CRIM1: variants seen among roughly 807,000 people sequenced by gnomAD.
CRIM1 encodes the protein cysteine rich transmembrane BMP regulator 1, also known as cysteine-rich motor neuron 1 protein.
CRIM1 carries 32 observed loss-of-function variants against 116.4 expected under a neutral mutation model. The observed-to-expected ratio is 0.27, with a 90% confidence interval of 0.21 to 0.37. The LOEUF is 0.37. Ranked by LOEUF, CRIM1 falls within the 10% of genes least tolerant of loss-of-function variation. The pLI, the probability that CRIM1 is intolerant of heterozygous loss-of-function variation, is 1.00. For synonymous variants in CRIM1, 590 were observed against 509.2 expected (o/e 1.16, Z -2.13); for missense variants, 1,331 against 1,354.8 (o/e 0.98, Z 0.28).
rs140451116 is a variant in CRIM1 at position 36,481,724 on chromosome 2, C to T, written c.1372+2030C>T. On this transcript the variant is annotated intron_variant, in intron 7 of 16. Transcript: ENST00000280527. ...TTAAGGCGATTTAGATCATTTCCCCCAAGGGTATAGTTGCCATTGTGTGGC... is the reference window on the plus strand; with the variant it reads ...TTAAGGCGATTTAGATCATTTCCCCTAAGGGTATAGTTGCCATTGTGTGGC... Among the ~76,000 whole-genome samples, 288 of 152,266 alleles carry T rather than the reference C, an allele frequency of 1.9e-3. 1 individual carries two copies. Among genetic ancestry groups the T allele is most frequent in the South Asian group, 0.013 (63 of 4,824 alleles).
intron 4 of CRIM1, among the ~76,000 whole-genome samples, chr2:36,455,008 G>A (rs975902605): frequency 1.3e-5 from 2 of 152,196 alleles, no homozygotes; most frequent in Non-Finnish European, 2.9e-5. Context: ...AAGAGGTACA[G>A]TCAGGAGGAG....
At chr2:36,448,378 T>TA (rs1453734561) in intron 4 of CRIM1, among the ~76,000 whole-genome samples, 1 of 152,230 alleles carries the variant, frequency 6.6e-6, no homozygotes, top group Non-Finnish European at 1.5e-5. Flanking sequence ...CCAACTGGGC[T>TA]ATTTCTCAAG....
intron 8 of CRIM1, among the ~76,000 whole-genome samples, chr2:36,501,569 A>G (rs1321653923): frequency 1.3e-5 from 2 of 152,064 alleles, no homozygotes; most frequent in African/African-American, 4.8e-5. Context: ...AAAAAATACA[A>G]AAGCTAGCCA....
chr2:36,438,699 C>CT (rs1291229020), intron 2 of CRIM1, among the ~76,000 whole-genome samples: 5 of 152,140 alleles, frequency 3.3e-5, no homozygotes, highest in Admixed American at 2.0e-4. Flanking sequence ...AACCCGGTAG[C>CT]TTTAACAAAA....
At chr2:36,503,390 G>T (rs1681139836) in intron 8 of CRIM1, among the ~76,000 whole-genome samples, 1 of 152,078 alleles carries the variant, frequency 6.6e-6, no homozygotes, top group South Asian at 2.1e-4. Context: ...TAACTAATGG[G>T]TTATTTTGAG....
At chr2:36,461,432 G>C (rs1384186763) in intron 4 of CRIM1, among the ~76,000 whole-genome samples, 2 of 152,194 alleles carry the variant, frequency 1.3e-5, no homozygotes, top group Non-Finnish European at 1.5e-5. Flanking sequence ...GGTACAGGTT[G>C]CATGCGTCAG....
At chr2:36,450,769 C>G (rs1339389638) in intron 4 of CRIM1, among the ~76,000 whole-genome samples, 1 of 152,212 alleles carries the variant, frequency 6.6e-6, no homozygotes, top group Non-Finnish European at 1.5e-5. Flanking sequence ...TTTGCTTTCA[C>G]TATAACATCT....
chr2:36,500,203 C>T (rs1369564550), intron 8 of CRIM1, among the ~76,000 whole-genome samples: 7 of 152,062 alleles, frequency 4.6e-5, no homozygotes, highest in African/African-American at 9.7e-5. Flanking sequence ...TGGTGGTATG[C>T]GCCAGTGGTC....
chr2:36,437,858 G>C lies in CRIM1; in HGVS notation c.506-3400G>C, dbSNP rs888423955. 1.3e-4 allele frequency among the ~76,000 whole-genome samples: 19 copies of C among 151,904 alleles called. 2 individuals are homozygous for C. Among genetic ancestry groups the C allele is most frequent in the Non-Finnish European group, 5.9e-5 (4 of 67,980 alleles). ...CTTAAAGAGTGGGATAACCAGCCGGGCGCGGTGGCTCACTCCTGTAATCCC... is the reference window on the plus strand; with the variant it reads ...CTTAAAGAGTGGGATAACCAGCCGGCCGCGGTGGCTCACTCCTGTAATCCC... On this transcript the variant is annotated intron_variant, in intron 2 of 16. Transcript: ENST00000280527.
intron 2 of CRIM1, among the ~76,000 whole-genome samples, chr2:36,433,431 C>T (rs913955561): frequency 2.8e-4 from 43 of 152,214 alleles, no homozygotes; most frequent in African/African-American, 9.4e-4. Context: ...CTGGAGGGCT[C>T]AGTGCTTCTT....
chr2:36,454,116 ATT>A (rs1253879136), intron 4 of CRIM1, among the ~76,000 whole-genome samples: 1 of 152,142 alleles, frequency 6.6e-6, no homozygotes, highest in Non-Finnish European at 1.5e-5. Flanking sequence ...AAGGCCCCAT[ATT>A]ACTCAGCCCT....
At position 36,414,245 on chromosome 2, in the gene CRIM1, A is replaced by G. The variant is rs180970955; in HGVS notation, c.505+17458A>G. Among the ~76,000 whole-genome samples, 2 of 152,312 alleles carry G rather than the reference A, an allele frequency of 1.3e-5. 1 individual carries two copies. The highest frequency in any genetic ancestry group is 1.3e-4 in the Admixed American group (2 of 15,302). On this transcript the variant is annotated intron_variant, in intron 2 of 16. Transcript: ENST00000280527. ...GCAGTGCTGTTATATACAAATCCTT[A>G]TAGCCTTAAAATTAAATGCAGCTCT...
chr2:36,462,096 T>C (rs141047616), intron 4 of CRIM1, among the ~76,000 whole-genome samples: 59 of 152,326 alleles, frequency 3.9e-4, no homozygotes, highest in African/African-American at 1.3e-3. Context: ...GCAGTCAGTT[T>C]AGTTGTAAAG....
chr2:36,439,376 A>G (rs75080994), intron 2 of CRIM1, among the ~76,000 whole-genome samples: 3,475 of 152,290 alleles, frequency 0.023, 118 homozygotes, highest in African/African-American at 0.073. Context: ...CCAAAGTCCT[A>G]TCTTTCTAAG....
intron 13 of CRIM1, among the ~76,000 whole-genome samples, chr2:36,535,134 A>C (rs1666446386): frequency 9.7e-6 from 1 of 103,192 alleles, no homozygotes; most frequent in Non-Finnish European, 1.8e-5. Context: ...GGAGGGAGGG[A>C]AGGGGAAGGA....
In CRIM1 at chr2:36,443,446, G is replaced by T. The variant is rs148120036; in HGVS notation, c.869+711G>T. On this transcript the variant is annotated intron_variant, in intron 4 of 16. Coordinates refer to ENST00000280527, the MANE Select transcript of CRIM1 (RefSeq NM_016441.3). The stretch of plus-strand genomic sequence containing the variant: ...CTTGGAAATGTAGGGTTTACAGTCT[G>T]TTTTCCCCCGACTACTCACCCCTCT... Among the ~76,000 whole-genome samples the T allele has an allele frequency of 2.9e-4, 44 of 152,258 alleles. No homozygotes were observed. The East Asian group carries it at 8.1e-3, about 28-fold the overall frequency.
At position 36,374,914 on chromosome 2, in the gene CRIM1, A is replaced by G. The variant is rs111526346; in HGVS notation, c.331+18291A>G. 1.6e-4 allele frequency among the ~76,000 whole-genome samples: 25 copies of G among 151,688 alleles called. 1 individual carries two copies. Among genetic ancestry groups the G allele is most frequent in the African/African-American group, 5.8e-4 (24 of 41,344 alleles). ...CCAGAACTGTATTGACTCTAAGAGTATGGAAGCTTTGTAAAGTTAACTAAC... is the reference window on the plus strand; with the variant it reads ...CCAGAACTGTATTGACTCTAAGAGTGTGGAAGCTTTGTAAAGTTAACTAAC... On this transcript the variant is annotated intron_variant, in intron 1 of 16. Transcript: ENST00000280527.
At chr2:36,426,084 A>AC (rs1160459268) in intron 2 of CRIM1, among the ~76,000 whole-genome samples, 3 of 152,244 alleles carry the variant, frequency 2.0e-5, no homozygotes, top group Admixed American at 2.0e-4. Flanking sequence ...GCAGAGGAAT[A>AC]ACATGTTCCT....
chr2:36,397,483 G>T (rs969449275), intron 2 of CRIM1, among the ~76,000 whole-genome samples: 1 of 152,120 alleles, frequency 6.6e-6, no homozygotes, highest in African/African-American at 2.4e-5. Flanking sequence ...GTAAAGCCTG[G>T]GTTTGGGTCT....
Sources: gnomAD v4.1 joint callset for allele counts (sites outside exome capture counted in the v4.1 genomes callset) on GRCh38, gnomAD v4.1.1 for gene constraint, MANE v1.5 for transcripts, NCBI Gene and HGNC (gene_info 2026-07-23, HGNC 2026-07-21) for gene names.